RALGPS2: variants seen among roughly 807,000 people sequenced by gnomAD.
The protein encoded by RALGPS2 is ras-specific guanine nucleotide-releasing factor RalGPS2.
Under a neutral mutation model 86.8 loss-of-function variants are expected in RALGPS2, and 43 were observed. The ratio of observed to expected loss-of-function variants is 0.50; its 90% confidence interval spans 0.39 to 0.64. The LOEUF (loss-of-function observed/expected upper bound fraction) is 0.64. RALGPS2 is among the 30% of genes least tolerant of loss of function. The pLI is 0.00. For synonymous variants in RALGPS2, 243 were observed against 231.3 expected (o/e 1.05, Z -0.46); for missense variants, 536 against 694.6 (o/e 0.77, Z 2.57).
chr1:178,786,342 G>C (rs1465516023), intron 4 of RALGPS2, among the ~76,000 whole-genome samples: 1 of 151,974 alleles, frequency 6.6e-6, no homozygotes, highest in African/African-American at 2.4e-5. Flanking sequence ...TTGAAACTGG[G>C]TTTCACCACT....
At position 178,885,967 on chromosome 1, in the gene RALGPS2, A is replaced by G; in HGVS notation, c.1041-2A>G. 6.3e-7 allele frequency: 1 copy of G among 1,577,774 alleles called. No individual in the cohort carries two copies. The highest frequency in any genetic ancestry group is 8.6e-7 in the Non-Finnish European group (1 of 1,166,246). ...GATATGAACTTTTTTTTCTGTTTCT[A>G]GTTTCATTCATAAAATGAACACAGC... On this transcript the variant is annotated splice_acceptor_variant, in intron 12 of 19. Transcript: ENST00000367635. LOFTEE classifies it high-confidence loss of function.
chr1:178,846,996 A>G (rs1489501548), intron 8 of RALGPS2, among the ~76,000 whole-genome samples: 1 of 152,238 alleles, frequency 6.6e-6, no homozygotes, highest in Admixed American at 6.5e-5. Context: ...GACTTGCTGT[A>G]AAGATACGTA....
intron 1 of RALGPS2, among the ~76,000 whole-genome samples, chr1:178,776,365 T>TA (rs1216890094): frequency 2.0e-5 from 3 of 152,198 alleles, no homozygotes; most frequent in Admixed American, 2.0e-4. Context: ...CCTGTGTTTT[T>TA]ACACATTTTA....
At chr1:178,873,549 T>C (rs1368975051) in intron 8 of RALGPS2, among the ~76,000 whole-genome samples, 2 of 152,200 alleles carry the variant, frequency 1.3e-5, no homozygotes. Flanking sequence ...GACACCATCT[T>C]GTAAAGTTGA....
intron 8 of RALGPS2, chr1:178,851,242 AC>A (rs1657153736): frequency 3.7e-6 from 6 of 1,613,832 alleles, no homozygotes; most frequent in Non-Finnish European, 5.1e-6. Context: ...CCTCCTCTGT[AC>A]CATACTCCAT....
chr1:178,764,791 T>C (rs1009070833), intron 1 of RALGPS2, among the ~76,000 whole-genome samples: 2 of 152,216 alleles, frequency 1.3e-5, no homozygotes, highest in Non-Finnish European at 2.9e-5. Context: ...TAGGCTGATA[T>C]GGTTTGGCTC....
chr1:178,741,752 G>A (rs1651037536), intron 1 of RALGPS2, among the ~76,000 whole-genome samples: 1 of 151,984 alleles, frequency 6.6e-6, no homozygotes, highest in Non-Finnish European at 1.5e-5. Context: ...GAAAAAAAAG[G>A]GACAAATGTA....
At chr1:178,845,093 C>T (rs1656803830) in intron 8 of RALGPS2, among the ~76,000 whole-genome samples, 1 of 147,816 alleles carries the variant, frequency 6.8e-6, no homozygotes, top group East Asian at 2.0e-4. Flanking sequence ...CAGAGCAAGA[C>T]TCCATCTCAA....
At chr1:178,740,308 T>C (rs1375015784) in intron 1 of RALGPS2, among the ~76,000 whole-genome samples, 3 of 152,226 alleles carry the variant, frequency 2.0e-5, no homozygotes, top group Non-Finnish European at 4.4e-5. Context: ...CTACAGTACA[T>C]TGCAGAAGAA....
intron 6 of RALGPS2, among the ~76,000 whole-genome samples, chr1:178,818,191 C>A (rs1433930967): frequency 6.6e-6 from 1 of 152,094 alleles, no homozygotes; most frequent in East Asian, 1.9e-4. Context: ...GAAACCCTGT[C>A]TCTACTAAAA....
At chr1:178,757,784 A>G (rs1652030098) in intron 1 of RALGPS2, among the ~76,000 whole-genome samples, 1 of 152,164 alleles carries the variant, frequency 6.6e-6, no homozygotes, top group Non-Finnish European at 1.5e-5. Flanking sequence ...AGGTTTTGGT[A>G]TCAAGGTGAT....
At chr1:178,855,977 GTAA>G (rs1311013686) in intron 8 of RALGPS2, among the ~76,000 whole-genome samples, 4 of 147,992 alleles carry the variant, frequency 2.7e-5, no homozygotes, top group Admixed American at 2.7e-4. Flanking sequence ...GAACAAAAAA[GTAA>G]TATATATAAG....
intron 1 of RALGPS2, among the ~76,000 whole-genome samples, chr1:178,742,096 G>A (rs928412678): frequency 9.0e-5 from 13 of 145,184 alleles, no homozygotes; most frequent in South Asian, 2.1e-4. Context: ...AGATCGTGCC[G>A]CTGCACTCCA....
intron 1 of RALGPS2, among the ~76,000 whole-genome samples, chr1:178,751,204 A>G (rs1651634908): frequency 6.6e-6 from 1 of 151,912 alleles, no homozygotes; most frequent in South Asian, 2.1e-4. Flanking sequence ...CGTTATGGCA[A>G]TTTCTTCCGT....
rs1659110177 is a variant in RALGPS2 at position 178,878,911 on chromosome 1, T to C, written c.755T>C (p.Met252Thr). The change falls in exon 10 of 20, where the codon ATG (methionine) becomes ACG (threonine). Residue 252 changes from methionine (M) to threonine (T), a missense_variant. Met to Thr is a moderately conservative substitution (Grantham distance 81). This residue lies in a region of RALGPS2 where 184 missense variants were observed against 296.7 expected (regional missense o/e 0.62). Transcript: ENST00000367635. ...ATCACCTTTTGCCTAGATATTCCCA[T>C]GTTGCCTCATGTCCAAAAATATCTC... is the stretch of plus-strand genomic sequence containing the variant. The part of the protein sequence containing the change: ...LQQSCEYDIP[M>T]LPHVQKYLNS... 6.2e-7 allele frequency: 1 copy of C among 1,612,492 alleles called. No individual in the cohort carries two copies. The highest frequency in any genetic ancestry group is 1.3e-5 in the African/African-American group (1 of 74,970).
intron 1 of RALGPS2, among the ~76,000 whole-genome samples, chr1:178,739,998 A>G (rs1005847238): frequency 6.6e-5 from 10 of 152,218 alleles, no homozygotes; most frequent in Admixed American, 3.3e-4. Context: ...TTGAAATAAT[A>G]GATAATAGTG....
intron 18 of RALGPS2, among the ~76,000 whole-genome samples, chr1:178,906,053 G>A (rs985062683): frequency 1.4e-4 from 22 of 152,038 alleles, no homozygotes; most frequent in Admixed American, 6.6e-4. Context: ...AAGCATTCTG[G>A]CATGTTAAAA....
At chr1:178,880,211 T>C (rs1031106957) in intron 10 of RALGPS2, among the ~76,000 whole-genome samples, 3 of 152,204 alleles carry the variant, frequency 2.0e-5, no homozygotes, top group Non-Finnish European at 4.4e-5. Flanking sequence ...TATCTTCCTT[T>C]GGTAATGATT....
intron 8 of RALGPS2, among the ~76,000 whole-genome samples, chr1:178,863,286 G>A (rs567849914): frequency 6.6e-6 from 1 of 152,306 alleles, no homozygotes; most frequent in Non-Finnish European, 1.5e-5. Context: ...AGCTTATTTG[G>A]AAATGGATGA....
Sources: gnomAD v4.1 joint callset for allele counts (sites outside exome capture counted in the v4.1 genomes callset) on GRCh38, gnomAD v4.1.1 for gene constraint, gnomAD v4.1.1 regional missense constraint, MANE v1.5 for transcripts, NCBI Gene and HGNC (gene_info 2026-07-23, HGNC 2026-07-21) for gene names.